FOCAD: variants seen among roughly 807,000 people sequenced by gnomAD.
The protein encoded by FOCAD is focadhesin.
Under a neutral mutation model 225.6 loss-of-function variants are expected in FOCAD, and 198 were observed. The observed-to-expected ratio is 0.88, with a 90% CI of 0.78 to 0.99. FOCAD has a LOEUF of 0.99. FOCAD is among the 50% of genes least tolerant of loss of function. The probability of loss-of-function intolerance (pLI) is 0.00; values close to 1 mark genes in which losing one functional copy is unlikely to be tolerated. For synonymous variants in FOCAD, 897 were observed against 755.0 expected (o/e 1.19, Z -3.08); for missense variants, 2,713 against 2,123.6 (o/e 1.28, Z -5.46).
intron 4 of FOCAD, among the ~76,000 whole-genome samples, chr9:20,738,642 GTA>G (rs1827345308): frequency 6.6e-6 from 1 of 152,180 alleles, no homozygotes; most frequent in Non-Finnish European, 1.5e-5. Context: ...ACATACCACT[GTA>G]GATTGTGAAA....
rs1015317572 is a variant in FOCAD, at chr9:20,914,947, C to T, written c.2808-1946C>T. Among the ~76,000 whole-genome samples, 11 of 152,130 alleles carry T rather than the reference C, an allele frequency of 7.2e-5. No homozygotes were observed. The South Asian group carries it at 1.5e-3, about 20-fold the overall frequency. ...AATCTATTTTAAGGCAGATATCATA[C>T]GTTATAAATGCTAATAATTGAAATG... is the stretch of plus-strand genomic sequence containing the variant. On this transcript the variant is annotated intron_variant, in intron 23 of 43. Transcript: ENST00000338382.
intron 1 of FOCAD, among the ~76,000 whole-genome samples, chr9:20,709,254 T>A (rs1587288614): frequency 6.6e-6 from 1 of 152,190 alleles, no homozygotes; most frequent in South Asian, 2.1e-4. Flanking sequence ...CTCTTTCTGA[T>A]TTAGGTTTAG....
intron 15 of FOCAD, among the ~76,000 whole-genome samples, chr9:20,856,099 A>G (rs896607511): frequency 6.6e-6 from 1 of 151,736 alleles, no homozygotes; most frequent in African/African-American, 2.4e-5. Context: ...TCTTTTGGAT[A>G]TATTTATATA....
chr9:20,692,288 C>T (rs920142947), intron 1 of FOCAD, among the ~76,000 whole-genome samples: 2 of 152,116 alleles, frequency 1.3e-5, no homozygotes, highest in Non-Finnish European at 2.9e-5. Flanking sequence ...ACCTGAGTAT[C>T]ATCCTTGACT....
At chr9:20,862,786 A>C in intron 16 of FOCAD, 74 bp downstream of exon 16, 1 of 1,490,048 alleles carries the variant, frequency 6.7e-7, no homozygotes, top group Non-Finnish European at 9.1e-7. Context: ...TTTTGGAATA[A>C]ATATTCCTAA....
At chr9:20,699,968 C>T (rs1396773895) in intron 1 of FOCAD, among the ~76,000 whole-genome samples, 1 of 151,152 alleles carries the variant, frequency 6.6e-6, no homozygotes, top group African/African-American at 2.4e-5. Context: ...AGATCCTCTT[C>T]TGATTCTTGA....
chr9:20,937,893 G>A (rs192245833), intron 28 of FOCAD, among the ~76,000 whole-genome samples: 11 of 152,150 alleles, frequency 7.2e-5, no homozygotes, highest in Non-Finnish European at 1.2e-4. Flanking sequence ...GAAAAAAACA[G>A]ACAACCCCAT....
rs867858456 is a variant in FOCAD, at chr9:20,885,178, T to C, written c.2573T>C (p.Met858Thr). Residue 858 changes from methionine to threonine, a missense_variant, in exon 21 of 44, where the codon ATG becomes ACG. Physicochemically the swap from Met to Thr is moderately conservative, Grantham distance 81. Transcript: ENST00000338382. ...GATGGAAAACCATTGAACAGACTGA[T>C]GGCCAGCAGAGGGCGAAGTTTCAAG... ...SKDGKPLNRL[M>T]ASRGRSFKQT... is the part of the protein sequence containing the mutation. The C allele has an allele frequency of 1.9e-6, 3 of 1,546,248 alleles. No individual in the cohort carries two copies. The highest frequency in any genetic ancestry group is 1.7e-4 in the Middle Eastern group (1 of 5,816).
chr9:20,981,705 T>A lies in FOCAD; in HGVS notation c.4638+19T>A, dbSNP rs1340246878. 1 of 1,595,032 alleles carries A rather than the reference T, an allele frequency of 6.3e-7. No homozygotes were observed. Among genetic ancestry groups the A allele is most frequent in the Non-Finnish European group, 8.5e-7 (1 of 1,170,040 alleles). On this transcript the variant is annotated intron_variant, in intron 38 of 43. Transcript: ENST00000338382. ...GATTCGGGTGAGGAACAAAAATATT[T>A]ACATTCCTGACAATTTATGTTTGGG... is the stretch of plus-strand genomic sequence containing the variant.
At chr9:20,894,447 G>C (rs894321987) in intron 21 of FOCAD, among the ~76,000 whole-genome samples, 2 of 152,034 alleles carry the variant, frequency 1.3e-5, no homozygotes, top group Admixed American at 1.3e-4. Context: ...GGTAAAAAAT[G>C]GCCAAAACAT....
intron 15 of FOCAD, 98 bp downstream of exon 15, chr9:20,823,213 C>G: frequency 1.5e-6 from 2 of 1,312,210 alleles, no homozygotes; most frequent in Non-Finnish European, 2.0e-6. Flanking sequence ...TAACTGAAGT[C>G]TGAGTGTTCA....
chr9:20,814,712 A>G (rs564012304), intron 11 of FOCAD, among the ~76,000 whole-genome samples: 2 of 152,056 alleles, frequency 1.3e-5, no homozygotes, highest in Non-Finnish European at 2.9e-5. Flanking sequence ...TTGCCATGGG[A>G]CTTACATCAA....
Position 20,990,344 on chromosome 9 carries a change from G to A in FOCAD, c.5226G>A (p.Gln1742=), listed in dbSNP as rs2132699039. 6.2e-7 allele frequency: 1 copy of A among 1,613,886 alleles called. No individual in the cohort carries two copies. The highest frequency in any genetic ancestry group is 8.5e-7 in the Non-Finnish European group (1 of 1,179,980). The change falls in exon 42 of 44, where the codon CAG becomes CAA. Residue 1742 remains glutamine, a synonymous_variant. Coordinates refer to ENST00000338382, the MANE Select transcript of FOCAD (RefSeq NM_001375567.1). ...CCAATAGCATGGCTCTGCTGCTGCA[G>A]AAAGAGCCATGGAAGGAACAGACCC... ...LLPNSMALLL[Q]KEPWKEQTQK... is the part of the protein sequence containing the mutation.
intron 43 of FOCAD, among the ~76,000 whole-genome samples, 182 bp from the exon 44 acceptor site, chr9:20,995,374 A>AAAAC (rs1554755444): frequency 3.0e-4 from 44 of 148,004 alleles, no homozygotes; most frequent in African/African-American, 1.1e-3. Context: ...AAAAAAAAAA[A>AAAAC]AAACAACTTT....
chr9:20,894,704 CT>C (rs1383948879), intron 21 of FOCAD, among the ~76,000 whole-genome samples: 1 of 152,004 alleles, frequency 6.6e-6, no homozygotes, highest in African/African-American at 2.4e-5. Flanking sequence ...AGTTTTAAGA[CT>C]TTTTTCGTAT....
chr9:20,977,018 T>A (rs1253685604), intron 36 of FOCAD, among the ~76,000 whole-genome samples: 1 of 152,158 alleles, frequency 6.6e-6, no homozygotes, highest in Non-Finnish European at 1.5e-5. Context: ...AAGATCAAGG[T>A]ATCAGCAAAT....
intron 15 of FOCAD, among the ~76,000 whole-genome samples, chr9:20,838,959 G>T (rs1564056308): frequency 6.6e-6 from 1 of 152,010 alleles, no homozygotes; most frequent in Non-Finnish European, 1.5e-5. Flanking sequence ...TTCCTTACTT[G>T]CACTTACACC....
chr9:20,981,511 A>G lies in FOCAD; in HGVS notation c.4463A>G (p.Asn1488Ser). 1 of 1,614,066 alleles carries G rather than the reference A, an allele frequency of 6.2e-7. No homozygotes were observed. The highest frequency in any genetic ancestry group is 8.5e-7 in the Non-Finnish European group (1 of 1,179,996). The change falls in exon 38 of 44, where the codon AAT (asparagine) becomes AGT (serine). Residue 1488 changes from asparagine (N) to serine (S), a missense_variant. Transcript: ENST00000338382. Reference protein sequence around the residue: ...SDEQILGFVENLMVAVFKAAS... With the variant: ...SDEQILGFVESLMVAVFKAAS... ...GAACAGATCCTGGGTTTTGTTGAAA[A>G]TTTAATGGTGGCAGTTTTTAAAGCA...
chr9:20,925,996 TA>T (rs1834901956), intron 25 of FOCAD, among the ~76,000 whole-genome samples: 1 of 152,238 alleles, frequency 6.6e-6, no homozygotes, highest in African/African-American at 2.4e-5. Flanking sequence ...ATCTTCACTA[TA>T]ATTCATTCAA....
Sources: allele counts gnomAD v4.1 joint callset (sites outside exome capture counted in the v4.1 genomes callset), GRCh38; gene constraint gnomAD v4.1.1; transcripts MANE v1.5; gene names NCBI Gene and HGNC (gene_info 2026-07-23, HGNC 2026-07-21).